The following ASTN1 variants were observed in gnomAD, a reference collection of about 807,000 sequenced individuals.
ASTN1 encodes the protein astrotactin-1.
ASTN1 carries 41 observed loss-of-function variants against 140.7 expected under a neutral mutation model. The observed-to-expected ratio is 0.29, with a 90% CI of 0.23 to 0.38. The LOEUF (loss-of-function observed/expected upper bound fraction) is 0.38. Among genes scored for constraint, ASTN1 ranks in the 10% least tolerant of loss-of-function variants. The probability of loss-of-function intolerance (pLI) is 1.00; values close to 1 mark genes in which losing one functional copy is unlikely to be tolerated. For missense variants in ASTN1, 1,479 were observed against 1,678.8 expected (o/e 0.88, Z 2.08); for synonymous variants, 640 against 652.2 (o/e 0.98, Z 0.29).
chr1:177,026,605 G>A (rs781289986), intron 5 of ASTN1, among the ~76,000 whole-genome samples: 4 of 152,074 alleles, frequency 2.6e-5, no homozygotes, highest in Non-Finnish European at 4.4e-5. Context: ...CATAGTGGTT[G>A]TACCAATTTA....
chr1:176,900,116 GA>G (rs1444919202), intron 16 of ASTN1, among the ~76,000 whole-genome samples: 1 of 152,104 alleles, frequency 6.6e-6, no homozygotes, highest in East Asian at 1.9e-4. Flanking sequence ...CAAACACAAA[GA>G]AGAAAACCAA....
At chr1:177,140,433 C>G (rs1230165048) in intron 1 of ASTN1, among the ~76,000 whole-genome samples, 4 of 152,086 alleles carry the variant, frequency 2.6e-5, no homozygotes, top group Non-Finnish European at 4.4e-5. Flanking sequence ...AAATAATCTT[C>G]TAAGTATAAT....
intron 1 of ASTN1, among the ~76,000 whole-genome samples, chr1:177,074,357 C>T (rs1332135574): frequency 6.6e-6 from 1 of 151,966 alleles, no homozygotes; most frequent in Non-Finnish European, 1.5e-5. Flanking sequence ...GTCTCCATGC[C>T]CAACAAATAT....
rs1004970520 is a variant in ASTN1, at chr1:177,052,619, C to T, written c.471+8459G>A. Among the ~76,000 whole-genome samples the T allele has an allele frequency of 3.9e-5, 6 of 152,142 alleles. No individual in the cohort carries two copies. In the South Asian group the frequency reaches 1.0e-3, roughly 26 times the overall value. ...TATAGTCTTGGTTGGTTCTCAATGA[C>T]CAGCATCTTCTCAGAGCCAATCTCA... On this transcript the variant is annotated intron_variant, in intron 2 of 22. Transcript: ENST00000361833.
intron 2 of ASTN1, among the ~76,000 whole-genome samples, chr1:177,060,290 TA>T (rs1205521268): frequency 1.3e-5 from 2 of 152,110 alleles, no homozygotes; most frequent in Non-Finnish European, 2.9e-5. Flanking sequence ...TGAGTTGAGC[TA>T]GAGAGAGGTG....
chr1:176,981,211 C>CAAAAAAAAA (rs35209486), intron 8 of ASTN1, among the ~76,000 whole-genome samples: 3 of 24,062 alleles, frequency 1.2e-4, no homozygotes, highest in Non-Finnish European at 1.8e-4. Flanking sequence ...GACTCTGTCT[C>CAAAAAAAAA]AAAAAAAAAA....
intron 2 of ASTN1, among the ~76,000 whole-genome samples, chr1:177,052,436 C>A (rs1439657775): frequency 6.6e-6 from 1 of 152,160 alleles, no homozygotes; most frequent in Non-Finnish European, 1.5e-5. Context: ...TTATTATTCC[C>A]ATTTTATGGA....
intron 16 of ASTN1, among the ~76,000 whole-genome samples, chr1:176,905,937 C>G (rs1669979554): frequency 6.6e-6 from 1 of 152,144 alleles, no homozygotes; most frequent in Admixed American, 6.5e-5. Flanking sequence ...GTACAGACAG[C>G]TGGACATGGG....
At chr1:177,132,565 T>C (rs1293293907) in intron 1 of ASTN1, among the ~76,000 whole-genome samples, 2 of 152,220 alleles carry the variant, frequency 1.3e-5, no homozygotes, top group Non-Finnish European at 2.9e-5. Flanking sequence ...ATCATGTCAA[T>C]GGAACATCCC....
Position 176,937,266 on chromosome 1 carries a change from C to T in ASTN1, c.2378-896G>A, listed in dbSNP as rs78975913. Reference sequence around the variant, plus strand: ...TTCAATTTCTCTCAGGCAGATAATGCTTATTTCTTCTTTACCAGAAGGAAC... The same window carrying T: ...TTCAATTTCTCTCAGGCAGATAATGTTTATTTCTTCTTTACCAGAAGGAAC... On this transcript the variant is annotated intron_variant, in intron 14 of 22. Transcript: ENST00000361833. Among the ~76,000 whole-genome samples the T allele has an allele frequency of 5.0e-3, 751 of 149,402 alleles. 4 individuals carry two copies. The highest frequency in any genetic ancestry group is 0.017 in the African/African-American group (715 of 41,502).
intron 8 of ASTN1, among the ~76,000 whole-genome samples, chr1:176,991,413 CAAAAAAAA>C (rs1200261285): frequency 2.9e-4 from 32 of 109,540 alleles, no homozygotes; most frequent in Non-Finnish European, 4.5e-4. Context: ...AACTCTGTCT[CAAAAAAAA>C]AAAAAAAAAA....
At chr1:177,127,898 T>C (rs1681739485) in intron 1 of ASTN1, among the ~76,000 whole-genome samples, 1 of 152,220 alleles carries the variant, frequency 6.6e-6, no homozygotes, top group Non-Finnish European at 1.5e-5. Flanking sequence ...TCATGTCAAC[T>C]TATGCAGCAA....
chr1:176,873,059 G>A (rs1668414380), intron 21 of ASTN1, among the ~76,000 whole-genome samples: 1 of 152,198 alleles, frequency 6.6e-6, no homozygotes, highest in African/African-American at 2.4e-5. Flanking sequence ...ATGACATAAT[G>A]AATTCATGAA....
chr1:177,135,218 C>T (rs1682133574), intron 1 of ASTN1, among the ~76,000 whole-genome samples: 1 of 152,014 alleles, frequency 6.6e-6, no homozygotes, highest in Non-Finnish European at 1.5e-5. Flanking sequence ...TGAACCAGCT[C>T]GATGGGTGCT....
chr1:176,921,248 T>C (rs1002156126), intron 16 of ASTN1, among the ~76,000 whole-genome samples: 2 of 152,248 alleles, frequency 1.3e-5, no homozygotes, highest in Non-Finnish European at 2.9e-5. Context: ...ATATCTTCTA[T>C]TAATTGAACC....
At chr1:176,885,839 G>A (rs1669011696) in intron 18 of ASTN1, among the ~76,000 whole-genome samples, 1 of 152,080 alleles carries the variant, frequency 6.6e-6, no homozygotes, top group Non-Finnish European at 1.5e-5. Context: ...TATGTGATAA[G>A]AGTTTCAAAA....
chr1:176,871,339 T>A (rs1439676388), intron 21 of ASTN1, among the ~76,000 whole-genome samples: 1 of 152,158 alleles, frequency 6.6e-6, no homozygotes, highest in Non-Finnish European at 1.5e-5. Context: ...AGACCAGAGC[T>A]GAGATAGGCA....
chr1:177,148,496 T>C (rs1025352528), intron 1 of ASTN1, among the ~76,000 whole-genome samples: 15 of 151,952 alleles, frequency 9.9e-5, no homozygotes, highest in Non-Finnish European at 1.8e-4. Flanking sequence ...GAATCAGTCA[T>C]AGAGTCTTTT....
At chr1:177,092,155 C>T (rs1679787504) in intron 1 of ASTN1, among the ~76,000 whole-genome samples, 1 of 152,168 alleles carries the variant, frequency 6.6e-6, no homozygotes, top group South Asian at 2.1e-4. Context: ...ACATCCTCCA[C>T]CACATTTATT....
Sources: allele counts gnomAD v4.1 joint callset (sites outside exome capture counted in the v4.1 genomes callset), GRCh38; gene constraint gnomAD v4.1.1; transcripts MANE v1.5; gene names NCBI Gene and HGNC (gene_info 2026-07-23, HGNC 2026-07-21).